The following POF1B variants were observed in gnomAD, a reference collection of about 807,000 sequenced individuals.
POF1B encodes the protein protein POF1B.
POF1B carries 53 observed loss-of-function variants against 55.3 expected under a neutral mutation model. That is an observed-to-expected ratio of 0.96 (90% CI 0.77 to 1.20). The LOEUF (loss-of-function observed/expected upper bound fraction) is 1.20. Ranked by LOEUF, POF1B falls within the 50% of genes most tolerant of loss-of-function variation. The pLI is 0.00. For missense variants in POF1B, 478 were observed against 420.5 expected (o/e 1.14, Z -1.20); for synonymous variants, 188 against 148.3 (o/e 1.27, Z -1.95).
chrX:85,378,201 T>C (rs1933952979), intron 2 of POF1B, among the ~76,000 whole-genome samples: 1 of 111,680 alleles, frequency 9.0e-6, no homozygotes, highest in South Asian at 3.7e-4. Flanking sequence ...TTTGTGGGTT[T>C]TGGAAAAATA....
intron 3 of POF1B, among the ~76,000 whole-genome samples, chrX:85,361,558 C>T (rs1445846461): frequency 9.0e-6 from 1 of 110,971 alleles, no homozygotes; most frequent in East Asian, 2.8e-4. Flanking sequence ...TATTCTGTTC[C>T]CTTGGTCTAT....
At chrX:85,331,761 C>T (rs113886747) in intron 6 of POF1B, among the ~76,000 whole-genome samples, 2,462 of 111,048 alleles carry the variant, frequency 0.022, 41 homozygotes, top group Non-Finnish European at 0.036. Context: ...TTCTAAGCCT[C>T]TTGCTACCAC....
intron 4 of POF1B, among the ~76,000 whole-genome samples, chrX:85,357,231 A>G (rs1023231709): frequency 9.0e-6 from 1 of 110,929 alleles, no homozygotes; most frequent in Admixed American, 9.6e-5. Flanking sequence ...TTTTTCCTGA[A>G]GTCATTTCTC....
At chrX:85,299,389 C>T (rs1435517752) in intron 15 of POF1B, among the ~76,000 whole-genome samples, 1 of 105,289 alleles carries the variant, frequency 9.5e-6, no homozygotes, top group Non-Finnish European at 1.9e-5. Context: ...CCCGGGTTCA[C>T]GCCATTCTCC....
chrX:85,348,388 TATG>T (rs776229090), intron 5 of POF1B, among the ~76,000 whole-genome samples: 14 of 111,623 alleles, frequency 1.3e-4, no homozygotes, highest in Middle Eastern at 4.6e-3. Context: ...TAAAAAGAAT[TATG>T]ATGAGTACAA....
intron 15 of POF1B, among the ~76,000 whole-genome samples, chrX:85,292,845 G>A (rs1932222070): frequency 1.0e-5 from 1 of 95,447 alleles, no homozygotes; most frequent in South Asian, 4.5e-4. Flanking sequence ...AAACAACCCT[G>A]TAAAAAAAAA....
At chrX:85,347,397 T>C (rs1253541901) in intron 5 of POF1B, among the ~76,000 whole-genome samples, 1 of 111,118 alleles carries the variant, frequency 9.0e-6, no homozygotes, top group African/African-American at 3.3e-5. Context: ...AAGAATGAAA[T>C]AGTATACTCT....
At chrX:85,354,744 T>G (rs1933455840) in intron 4 of POF1B, among the ~76,000 whole-genome samples, 1 of 110,627 alleles carries the variant, frequency 9.0e-6, no homozygotes, top group South Asian at 3.8e-4. Context: ...GGAATCCAAC[T>G]TACAAGGGAC....
At chrX:85,358,659 T>A (rs1933549964) in intron 4 of POF1B, among the ~76,000 whole-genome samples, 1 of 110,036 alleles carries the variant, frequency 9.1e-6, no homozygotes, top group Non-Finnish European at 1.9e-5. Flanking sequence ...TAGAAAAAAA[T>A]CATAATGCAA....
chrX:85,372,343 C>CAAAAAAAAA, intron 2 of POF1B, among the ~76,000 whole-genome samples: 1 of 64,463 alleles, frequency 1.6e-5, no homozygotes, highest in African/African-American at 6.4e-5. Context: ...GACTCTGTCT[C>CAAAAAAAAA]AAAAAAAAAA....
rs1932781336 is a variant in POF1B at position 85,315,698 on chromosome X, T to G, written c.882+9A>C. The G allele has an allele frequency of 8.6e-7, 1 of 1,157,460 alleles. No individual in the cohort carries two copies. Among genetic ancestry groups the G allele is most frequent in the Non-Finnish European group, 1.1e-6 (1 of 870,584 alleles). ...ACTATATTCGATTTTCAACTATCTT[T>G]GCACTTACCTCATCTGTAGACTCAA... On this transcript the variant is annotated intron_variant, in intron 8 of 16. Coordinates refer to ENST00000262753, the MANE Select transcript of POF1B (RefSeq NM_024921.4).
chrX:85,364,963 T>C (rs929144809), intron 3 of POF1B, among the ~76,000 whole-genome samples: 1 of 111,958 alleles, frequency 8.9e-6, no homozygotes, highest in Non-Finnish European at 1.9e-5. Flanking sequence ...TTCTTTTTTT[T>C]CTTTATTTTT....
intron 15 of POF1B, among the ~76,000 whole-genome samples, chrX:85,284,197 G>A (rs1603019292): frequency 1.8e-5 from 2 of 111,598 alleles, no homozygotes; most frequent in South Asian, 7.5e-4. Context: ...TCATGGGTAG[G>A]AAGAATCAAT....
At chrX:85,375,905 C>A (rs1461545677) in intron 2 of POF1B, among the ~76,000 whole-genome samples, 1 of 111,406 alleles carries the variant, frequency 9.0e-6, no homozygotes, top group African/African-American at 3.3e-5. Context: ...CTAAAATAAT[C>A]CTTCTCTCAC....
chrX:85,317,105 T>C (rs775550217), intron 7 of POF1B, among the ~76,000 whole-genome samples: 1 of 109,986 alleles, frequency 9.1e-6, no homozygotes, highest in Admixed American at 9.7e-5. Context: ...TGTACCACAT[T>C]TCCTTTATCC....
At chrX:85,282,670 A>G (rs1467568829) in intron 15 of POF1B, among the ~76,000 whole-genome samples, 1 of 110,653 alleles carries the variant, frequency 9.0e-6, no homozygotes, top group Non-Finnish European at 1.9e-5. Flanking sequence ...AGGAAGCTAA[A>G]CAGATCCCAG....
intron 15 of POF1B, among the ~76,000 whole-genome samples, chrX:85,286,487 A>T (rs1243595112): frequency 1.8e-5 from 2 of 111,618 alleles, no homozygotes; most frequent in Admixed American, 1.9e-4. Context: ...TAAAAAGCAA[A>T]GATTGTTAAA....
intron 8 of POF1B, among the ~76,000 whole-genome samples, chrX:85,315,495 TAAC>T (rs1932779612): frequency 1.8e-5 from 2 of 111,109 alleles, no homozygotes; most frequent in African/African-American, 6.5e-5. Flanking sequence ...TGACAGCTGA[TAAC>T]AATTTTTTTG....
chrX:85,311,343 C>T (rs1205382895), intron 9 of POF1B, among the ~76,000 whole-genome samples: 1 of 110,578 alleles, frequency 9.0e-6, no homozygotes, highest in Non-Finnish European at 1.9e-5. Context: ...TCTCCTAATG[C>T]TATCCCTCCC....
Sources: allele counts gnomAD v4.1 joint callset (sites outside exome capture counted in the v4.1 genomes callset), GRCh38; gene constraint gnomAD v4.1.1; transcripts MANE v1.5; gene names NCBI Gene and HGNC (gene_info 2026-07-23, HGNC 2026-07-21).